MYO16: variants seen among roughly 807,000 people sequenced by gnomAD.
MYO16 encodes myosin XVI, also known as unconventional myosin-XVI.
MYO16 carries 94 observed loss-of-function variants against 205.3 expected under a neutral mutation model. The ratio of observed to expected loss-of-function variants is 0.46; its 90% CI spans 0.39 to 0.54. The LOEUF is 0.54. MYO16 is among the 20% of genes least tolerant of loss of function. The probability of loss-of-function intolerance (pLI) is 0.00; values close to 1 mark genes in which losing one functional copy is unlikely to be tolerated. For missense variants in MYO16, 2,315 were observed against 2,387.5 expected, an observed-to-expected ratio of 0.97 and a Z score of 0.63; for synonymous variants, 988 against 954.0, an observed-to-expected ratio of 1.04 and a Z score of -0.66.
chr13:108,826,883 A>C (rs977752731), intron 9 of MYO16, among the ~76,000 whole-genome samples: 3 of 152,140 alleles, frequency 2.0e-5, no homozygotes, highest in Non-Finnish European at 4.4e-5. Flanking sequence ...ATAAAGGTAA[A>C]TCAGTGTTGG....
chr13:109,185,373 T>C (rs7325663), intron 34 of MYO16, among the ~76,000 whole-genome samples: 76,174 of 151,906 alleles, frequency 0.5, 20,055 homozygotes, highest in African/African-American at 0.64. Flanking sequence ...CCTAGCATGA[T>C]GCTGCCTGGA....
chr13:109,011,756 G>A (rs1447464053), intron 22 of MYO16, among the ~76,000 whole-genome samples: 2 of 151,804 alleles, frequency 1.3e-5, no homozygotes, highest in African/African-American at 4.8e-5. Context: ...CTCGTAATCC[G>A]CCTGCCTCAC....
chr13:108,603,522 T>C (rs551757192), intron 1 of MYO16, among the ~76,000 whole-genome samples: 2 of 152,306 alleles, frequency 1.3e-5, no homozygotes, highest in East Asian at 1.9e-4. Context: ...ACGTTTGATG[T>C]TTGGATAGTT....
chr13:109,052,407 C>A lies in MYO16; in HGVS notation c.2980C>A (p.Leu994Met), dbSNP rs1887275007. ...SFKFRGHKSA[L>M]LSKKMTASSI... ...TAAATTCCGAGGACATAAGTCTGCCCTGCTCAGTAAGAAAATGACAGCTTC... is the reference window on the plus strand; with the variant it reads ...TAAATTCCGAGGACATAAGTCTGCCATGCTCAGTAAGAAAATGACAGCTTC... Residue 994 changes from leucine (L) to methionine (M), a missense_variant, in exon 25 of 35, where the codon CTG (leucine) becomes ATG (methionine). Transcript: ENST00000457511. The A allele has an allele frequency of 6.2e-7, 1 of 1,612,686 alleles. No individual in the cohort carries two copies.
the MYO16 span, among the ~76,000 whole-genome samples, chr13:108,516,752 G>A: frequency 6.6e-6 from 1 of 151,988 alleles, no homozygotes; most frequent in South Asian, 2.1e-4. Flanking sequence ...ATTTTGTTTT[G>A]TGTGATTGTG....
intron 9 of MYO16, among the ~76,000 whole-genome samples, chr13:108,828,756 G>T (rs745406888): frequency 7.9e-5 from 12 of 152,118 alleles, no homozygotes; most frequent in Non-Finnish European, 1.2e-4. Flanking sequence ...TGGCATCATT[G>T]ATGCCTATGT....
intron 32 of MYO16, among the ~76,000 whole-genome samples, chr13:109,155,686 C>T (rs1439842092): frequency 6.6e-6 from 1 of 152,182 alleles, no homozygotes; most frequent in African/African-American, 2.4e-5. Context: ...CAAGCATTCA[C>T]AAAGGGATGA....
the MYO16 span, among the ~76,000 whole-genome samples, chr13:108,577,606 A>C: frequency 6.6e-6 from 1 of 152,162 alleles, no homozygotes; most frequent in Non-Finnish European, 1.5e-5. Flanking sequence ...AATGCTTCCA[A>C]TCCACTGTGT....
chr13:109,125,691 G>A lies in MYO16; in HGVS notation c.3782+333G>A, dbSNP rs1300409698. ...AGCAAAAATATATAGCTTGGCTGTT[G>A]ACATTTTTACACAAGCGTTACGGAT... On this transcript the variant is annotated intron_variant, in intron 30 of 34. Transcript: ENST00000457511. The surrounding 1 kb of genome is among the most constrained non-coding windows in gnomAD (Gnocchi z 4.0). 6.6e-6 allele frequency among the ~76,000 whole-genome samples: 1 copy of A among 152,132 alleles called. No homozygotes were observed. Among genetic ancestry groups the A allele is most frequent in the Non-Finnish European group, 1.5e-5 (1 of 68,026 alleles).
intron 1 of MYO16, among the ~76,000 whole-genome samples, chr13:108,639,346 T>C (rs530994094): frequency 1.3e-5 from 2 of 152,310 alleles, no homozygotes; most frequent in Non-Finnish European, 2.9e-5. Context: ...TTTGCTCTTT[T>C]AAAAACATGC....
At chr13:108,879,522 C>A (rs1196699892) in intron 12 of MYO16, among the ~76,000 whole-genome samples, 2 of 152,092 alleles carry the variant, frequency 1.3e-5, no homozygotes, top group African/African-American at 4.8e-5. Context: ...CTCCCCCAAC[C>A]CCAGACAGGC....
upstream of MYO16, among the ~76,000 whole-genome samples, chr13:108,595,033 C>T (rs1303127808): frequency 6.6e-6 from 1 of 152,144 alleles, no homozygotes; most frequent in Non-Finnish European, 1.5e-5. Context: ...GAATTTATTC[C>T]TTTCCTGACT....
At chr13:108,782,335 T>C (rs1033949592) in intron 4 of MYO16, among the ~76,000 whole-genome samples, 12 of 152,246 alleles carry the variant, frequency 7.9e-5, no homozygotes, top group African/African-American at 2.9e-4. Context: ...CCCTAGAAAT[T>C]TGTGGAACTT....
intron 33 of MYO16, among the ~76,000 whole-genome samples, chr13:109,165,700 G>A (rs1300198825): frequency 6.6e-6 from 1 of 152,210 alleles, no homozygotes; most frequent in Non-Finnish European, 1.5e-5. Context: ...GAAGACCTGG[G>A]AGTGGGGTGC....
chr13:108,774,128 A>G (rs916253926), intron 4 of MYO16, among the ~76,000 whole-genome samples: 1 of 149,020 alleles, frequency 6.7e-6, no homozygotes, highest in East Asian at 2.0e-4. Context: ...AAAATAAAAT[A>G]AAATGTGAGT....
chr13:109,049,947 TG>T (rs2139600304), intron 24 of MYO16, among the ~76,000 whole-genome samples: 1 of 143,176 alleles, frequency 7.0e-6, no homozygotes, highest in African/African-American at 2.5e-5. Flanking sequence ...TGTGTGTGTG[TG>T]TGTGTGTGTG....
intron 33 of MYO16, among the ~76,000 whole-genome samples, chr13:109,169,864 A>G (rs1309371201): frequency 6.6e-6 from 1 of 152,242 alleles, no homozygotes; most frequent in Non-Finnish European, 1.5e-5. Context: ...TCCAGCTTGC[A>G]TAATTAGCCA....
chr13:109,032,006 G>A (rs1056401525), intron 23 of MYO16, among the ~76,000 whole-genome samples: 13 of 152,078 alleles, frequency 8.5e-5, no homozygotes, highest in Non-Finnish European at 1.3e-4. Flanking sequence ...CTACTGATGT[G>A]CATTGTTTCA....
intron 6 of MYO16, among the ~76,000 whole-genome samples, chr13:108,795,628 G>C (rs1468372000): frequency 6.6e-6 from 1 of 152,160 alleles, no homozygotes; most frequent in East Asian, 1.9e-4. Context: ...AGAAAGCAAA[G>C]CATATTTAGA....
Sources: allele counts gnomAD v4.1 joint callset (sites outside exome capture counted in the v4.1 genomes callset), GRCh38; gene constraint gnomAD v4.1.1; non-coding constraint Gnocchi (gnomAD v3.1); transcripts MANE v1.5; gene names NCBI Gene and HGNC (gene_info 2026-07-23, HGNC 2026-07-21).